NR3C2: variants seen among roughly 807,000 people sequenced by gnomAD.
NR3C2 encodes nuclear receptor subfamily 3 group C member 2.
Under a neutral mutation model 86.4 loss-of-function variants are expected in NR3C2, and 15 were observed. That is an observed-to-expected ratio of 0.17 (90% CI 0.12 to 0.27). The LOEUF (loss-of-function observed/expected upper bound fraction) is 0.27. Among genes scored for constraint, NR3C2 ranks in the 10% least tolerant of loss-of-function variants. The pLI, the probability that NR3C2 is intolerant of heterozygous loss-of-function variation, is 1.00. For missense variants in NR3C2, 960 were observed against 1,195.6 expected, an observed-to-expected ratio of 0.80 and a Z score of 2.91; for synonymous variants, 458 against 450.5, an observed-to-expected ratio of 1.02 and a Z score of -0.21.
At chr4:148,210,886 C>T (rs764007072) in intron 3 of NR3C2, among the ~76,000 whole-genome samples, 6 of 152,226 alleles carry the variant, frequency 3.9e-5, no homozygotes, top group Non-Finnish European at 8.8e-5. Context: ...AGTTTCTTCC[C>T]TCATCTGTAC....
chr4:148,251,608 G>T (rs1294264835), intron 3 of NR3C2, among the ~76,000 whole-genome samples: 1 of 152,134 alleles, frequency 6.6e-6, no homozygotes, highest in Non-Finnish European at 1.5e-5. Flanking sequence ...GAGCCTGATA[G>T]GCTACATCTA....
chr4:148,422,334 G>C (rs1579280356), intron 2 of NR3C2, among the ~76,000 whole-genome samples: 1 of 151,530 alleles, frequency 6.6e-6, no homozygotes, highest in Non-Finnish European at 1.5e-5. Flanking sequence ...AAACACCTTT[G>C]TATCATATGA....
At chr4:148,409,695 T>C (rs1748599030) in intron 2 of NR3C2, among the ~76,000 whole-genome samples, 3 of 152,120 alleles carry the variant, frequency 2.0e-5, no homozygotes, top group Admixed American at 6.6e-5. Flanking sequence ...TATATTAAAA[T>C]GAAAATATAT....
intron 5 of NR3C2, among the ~76,000 whole-genome samples, chr4:148,154,248 C>T (rs1734240070): frequency 6.6e-6 from 1 of 152,094 alleles, no homozygotes; most frequent in Non-Finnish European, 1.5e-5. Flanking sequence ...ACCTCGTGAT[C>T]CATCTGCCTC....
At chr4:148,142,540 G>A (rs1733662564) in intron 6 of NR3C2, among the ~76,000 whole-genome samples, 1 of 152,284 alleles carries the variant, frequency 6.6e-6, no homozygotes, top group East Asian at 1.9e-4. Context: ...TGTCACCCAG[G>A]CTGGAGTGCA....
Position 148,281,817 on chromosome 4 carries a change from G to A in NR3C2, c.1758-21700C>T, listed in dbSNP as rs1247861174. The stretch of plus-strand genomic sequence containing the variant: ...AGACGGAAAGATGCTCCTGTCCTTT[G>A]GAGGAACTAATAAGAAGTACAAACA... On this transcript the variant is annotated intron_variant, in intron 2 of 8. Transcript: ENST00000358102. Among the ~76,000 whole-genome samples the A allele has an allele frequency of 4.6e-5, 7 of 152,162 alleles. 1 individual carries two copies. Among genetic ancestry groups the A allele is most frequent in the Admixed American group, 4.6e-4 (7 of 15,268 alleles).
At chr4:148,260,354 T>C (rs565226369) in intron 2 of NR3C2, among the ~76,000 whole-genome samples, 1 of 152,172 alleles carries the variant, frequency 6.6e-6, no homozygotes, top group Admixed American at 6.5e-5. Flanking sequence ...AATAATCAAA[T>C]GTAAATCTCT....
chr4:148,259,751 T>A lies in NR3C2; in HGVS notation c.1897+227A>T, dbSNP rs1429915. ...ACAAACTGTGACAAACAACAAAAAA[T>A]CCTCTTTGGTTGATCCTTGCTCAGA... is the stretch of plus-strand genomic sequence containing the variant. On this transcript the variant is annotated intron_variant, in intron 3 of 8. Transcript: ENST00000358102. Among the ~76,000 whole-genome samples the A allele has an allele frequency of 0.56, 84,791 of 152,014 alleles. 24,385 individuals carry two copies. Among genetic ancestry groups the A allele is most frequent in the East Asian group, 0.85 (4,414 of 5,164 alleles).
chr4:148,386,807 T>C (rs1254794583), intron 2 of NR3C2, among the ~76,000 whole-genome samples: 2 of 152,190 alleles, frequency 1.3e-5, no homozygotes, highest in Non-Finnish European at 2.9e-5. Flanking sequence ...TTCCTAATAG[T>C]AGAGTTTTGT....
At position 148,382,869 on chromosome 4, in the gene NR3C2, AC is replaced by A. The variant is rs1393813733; in HGVS notation, c.1757+52234del. On this transcript the variant is annotated intron_variant, in intron 2 of 8. Coordinates refer to ENST00000358102, the MANE Select transcript of NR3C2 (RefSeq NM_000901.5). ...AGGATCTCACGAAGGAAGCTGAGTT[AC>A]AAATAAAGCAGTAGAATGGTACTAT... is the stretch of plus-strand genomic sequence containing the variant. Among the ~76,000 whole-genome samples the A allele has an allele frequency of 1.1e-4, 17 of 152,204 alleles. 1 individual carries two copies. Among genetic ancestry groups the A allele is most frequent in the Admixed American group, 7.9e-4 (12 of 15,286 alleles).
intron 3 of NR3C2, among the ~76,000 whole-genome samples, chr4:148,230,463 C>T (rs1249489566): frequency 1.3e-5 from 2 of 152,194 alleles, no homozygotes; most frequent in East Asian, 3.9e-4. Context: ...TCCCTAAGTG[C>T]TGGGATTACA....
chr4:148,145,897 G>GC (rs1733846832), intron 6 of NR3C2, among the ~76,000 whole-genome samples: 1 of 152,142 alleles, frequency 6.6e-6, no homozygotes, highest in South Asian at 2.1e-4. Flanking sequence ...GATGTATGGG[G>GC]CAGTGGGAGG....
chr4:148,173,931 T>C (rs963172479), intron 4 of NR3C2, among the ~76,000 whole-genome samples: 7 of 152,150 alleles, frequency 4.6e-5, no homozygotes, highest in African/African-American at 1.7e-4. Context: ...AGAAGATTCA[T>C]GGGAGTGGCT....
At chr4:148,177,466 T>C (rs1735430255) in intron 4 of NR3C2, among the ~76,000 whole-genome samples, 2 of 152,190 alleles carry the variant, frequency 1.3e-5, no homozygotes, top group African/African-American at 2.4e-5. Context: ...AAACAGCTTC[T>C]CCATCTTCAC....
intron 2 of NR3C2, among the ~76,000 whole-genome samples, chr4:148,324,175 C>A (rs1469881380): frequency 6.6e-6 from 1 of 152,190 alleles, no homozygotes; most frequent in African/African-American, 2.4e-5. Flanking sequence ...GGATAAAGAG[C>A]CATACTACGT....
intron 6 of NR3C2, among the ~76,000 whole-genome samples, chr4:148,141,280 A>G (rs913580009): frequency 1.3e-5 from 2 of 151,516 alleles, no homozygotes; most frequent in East Asian, 1.9e-4. Context: ...TAAAAATACA[A>G]AAAATTAGCT....
chr4:148,155,835 G>A (rs1578950231), intron 4 of NR3C2, among the ~76,000 whole-genome samples: 2 of 152,258 alleles, frequency 1.3e-5, no homozygotes, highest in African/African-American at 2.4e-5. Context: ...CAAAGCTGGA[G>A]GAATCACACT....
chr4:148,416,600 C>T (rs1749015472), intron 2 of NR3C2, among the ~76,000 whole-genome samples: 1 of 152,208 alleles, frequency 6.6e-6, no homozygotes, highest in Non-Finnish European at 1.5e-5. Flanking sequence ...GTGTCTCTTT[C>T]TACTCTCCAC....
chr4:148,311,599 C>T (rs1579138507), intron 2 of NR3C2, among the ~76,000 whole-genome samples: 1 of 152,286 alleles, frequency 6.6e-6, no homozygotes, highest in Non-Finnish European at 1.5e-5. Context: ...TACCTTGGCC[C>T]CTGTCCCCTA....
Sources: gnomAD v4.1 joint callset for allele counts (sites outside exome capture counted in the v4.1 genomes callset) on GRCh38, gnomAD v4.1.1 for gene constraint, MANE v1.5 for transcripts, NCBI Gene and HGNC (gene_info 2026-07-23, HGNC 2026-07-21) for gene names.